The following PLSCR2 variants were observed in gnomAD, a reference collection of about 807,000 sequenced individuals.
PLSCR2 encodes phospholipid scramblase 2.
Under a neutral mutation model 25.3 loss-of-function variants are expected in PLSCR2, and 18 were observed. The ratio of observed to expected loss-of-function variants is 0.71; its 90% confidence interval spans 0.49 to 1.06. The LOEUF is 1.06. Ranked by LOEUF, PLSCR2 falls within the 50% of genes least tolerant of loss-of-function variation. The pLI, the probability that PLSCR2 is intolerant of heterozygous loss-of-function variation, is 0.00. For missense variants in PLSCR2, 243 were observed against 269.5 expected, an observed-to-expected ratio of 0.90 and a Z score of 0.69; for synonymous variants, 88 against 87.3, an observed-to-expected ratio of 1.01 and a Z score of -0.04.
intron 1 of PLSCR2, among the ~76,000 whole-genome samples, chr3:146,476,482 G>A (rs1461215494): frequency 1.3e-5 from 2 of 152,214 alleles, no homozygotes; most frequent in Non-Finnish European, 2.9e-5. Context: ...TACTCAGTTG[G>A]CATCTGCCTA....
At chr3:146,486,062 A>C (rs1443631701) in intron 1 of PLSCR2, among the ~76,000 whole-genome samples, 1 of 151,946 alleles carries the variant, frequency 6.6e-6, no homozygotes. Context: ...CACAGAGCCA[A>C]ACTGTATCAG....
intron 3 of PLSCR2, among the ~76,000 whole-genome samples, chr3:146,393,400 A>G: frequency 6.6e-6 from 1 of 152,062 alleles, no homozygotes; most frequent in Non-Finnish European, 1.5e-5. Context: ...CTCATATACT[A>G]AGGTCTAAAT....
intron 1 of PLSCR2, among the ~76,000 whole-genome samples, chr3:146,473,555 C>T (rs1576715154): frequency 6.6e-6 from 1 of 152,218 alleles, no homozygotes; most frequent in East Asian, 1.9e-4. Context: ...ATCCACCCAC[C>T]TCGACCTCCC....
chr3:146,409,155 G>T (rs1000785607), intron 2 of PLSCR2, among the ~76,000 whole-genome samples: 11 of 152,064 alleles, frequency 7.2e-5, no homozygotes, highest in African/African-American at 2.7e-4. Context: ...AGAAAAAAGG[G>T]ACATAAACTA....
At chr3:146,494,862 G>C (rs1006717834) in intron 1 of PLSCR2, 10 of 152,142 alleles carry the variant, frequency 6.6e-5, no homozygotes, top group Admixed American at 5.9e-4. Flanking sequence ...TCATACTTAT[G>C]AAACACTCTT....
In PLSCR2 at chr3:146,396,710, G is replaced by T. The variant is rs566404236; in HGVS notation, c.101-789C>A. On this transcript the variant is annotated intron_variant and NMD_transcript_variant, in intron 2 of 3. Transcript: ENST00000463633. ...ATAGCTGGAGTGAAGTGAGGGAGGG[G>T]GCTAGTAGCAGAAAATTAGTGAGAC... Among the ~76,000 whole-genome samples the T allele has an allele frequency of 3.9e-5, 6 of 152,136 alleles. No individual in the cohort carries two copies. The East Asian group carries it at 7.7e-4, about 20-fold the overall frequency.
intron 3 of PLSCR2, among the ~76,000 whole-genome samples, chr3:146,394,058 A>T (rs2038190264): frequency 1.3e-5 from 2 of 152,064 alleles, no homozygotes; most frequent in East Asian, 3.9e-4. Context: ...AAGCTTTATC[A>T]TTGTAGTTAC....
At chr3:146,467,766 C>A (rs1295834217) in intron 1 of PLSCR2, among the ~76,000 whole-genome samples, 1 of 151,750 alleles carries the variant, frequency 6.6e-6, no homozygotes, top group Non-Finnish European at 1.5e-5. Context: ...AAAGTCAGAG[C>A]GGAGAGTTGA....
At chr3:146,395,570 T>C (rs887572397) in intron 3 of PLSCR2, among the ~76,000 whole-genome samples, 24 of 152,222 alleles carry the variant, frequency 1.6e-4, no homozygotes, top group Admixed American at 1.5e-3. Context: ...ATCATGTTTC[T>C]AGGACACTCT....
chr3:146,493,583 T>C (rs998797669), intron 1 of PLSCR2, among the ~76,000 whole-genome samples: 3 of 152,054 alleles, frequency 2.0e-5, no homozygotes, highest in Non-Finnish European at 4.4e-5. Context: ...AATTCAATAT[T>C]CCTTCATGTT....
chr3:146,405,805 G>A (rs1190444633), intron 2 of PLSCR2, among the ~76,000 whole-genome samples: 9 of 152,094 alleles, frequency 5.9e-5, no homozygotes. Context: ...GATACCAGGG[G>A]ATGTTATTTT....
At position 146,492,891 on chromosome 3, in the gene PLSCR2, G is replaced by A. The variant is rs117795507; in HGVS notation, c.-293+3004C>T. 5.3e-4 allele frequency among the ~76,000 whole-genome samples: 81 copies of A among 151,884 alleles called. 1 individual carries two copies. In the East Asian group the frequency reaches 0.015, roughly 28 times the overall value. On this transcript the variant is annotated intron_variant, in intron 1 of 8. Transcript: ENST00000336685. ...GTTTTTTAAAAGAAAAATCAAGCTT[G>A]CTTTGATAGACCACTAGCTAGATGA...
chr3:146,423,234 C>CTCT (rs2039211660), intron 2 of PLSCR2, among the ~76,000 whole-genome samples: 1 of 53,446 alleles, frequency 1.9e-5, no homozygotes, highest in Admixed American at 2.6e-4. Context: ...CCTTGCAGTG[C>CTCT]CTCTCTCTCT....
At chr3:146,494,225 T>C (rs770713357) in intron 1 of PLSCR2, among the ~76,000 whole-genome samples, 1 of 152,124 alleles carries the variant, frequency 6.6e-6, no homozygotes, top group East Asian at 1.9e-4. Context: ...TGAATTGTTT[T>C]GTGCATATGA....
intron 8 of PLSCR2, among the ~76,000 whole-genome samples, chr3:146,436,148 C>T (rs536379192): frequency 1.3e-3 from 191 of 152,234 alleles, no homozygotes; most frequent in African/African-American, 4.4e-3. Flanking sequence ...GTTTTGGTAC[C>T]AGTACCATGC....
intron 3 of PLSCR2, among the ~76,000 whole-genome samples, chr3:146,458,036 A>G (rs986294650): frequency 2.6e-5 from 4 of 152,232 alleles, no homozygotes; most frequent in Admixed American, 1.3e-4. Context: ...TAGATTACTT[A>G]TAATACACAA....
intron 1 of PLSCR2, among the ~76,000 whole-genome samples, chr3:146,489,277 T>C (rs1299076154): frequency 1.3e-5 from 2 of 152,016 alleles, no homozygotes; most frequent in South Asian, 2.1e-4. Context: ...CATTTACCTA[T>C]GTAACAAACC....
At chr3:146,445,779 T>C (rs1244659514) in intron 6 of PLSCR2, among the ~76,000 whole-genome samples, 2 of 152,292 alleles carry the variant, frequency 1.3e-5, no homozygotes, top group South Asian at 4.1e-4. Context: ...CAAATAACTC[T>C]TAGATTTGCC....
At chr3:146,476,663 C>G (rs2042295315) in intron 1 of PLSCR2, among the ~76,000 whole-genome samples, 1 of 152,234 alleles carries the variant, frequency 6.6e-6, no homozygotes, top group Admixed American at 6.5e-5. Flanking sequence ...CAGCTCCAGC[C>G]CACTGTATTT....
Sources: allele counts gnomAD v4.1 joint callset (sites outside exome capture counted in the v4.1 genomes callset), GRCh38; gene constraint gnomAD v4.1.1; transcripts MANE v1.5; gene names NCBI Gene and HGNC (gene_info 2026-07-23, HGNC 2026-07-21).